CTNNBL1: variants seen among roughly 807,000 people sequenced by gnomAD.
The protein encoded by CTNNBL1 is beta-catenin-like protein 1.
A neutral mutation model predicts 72.7 loss-of-function variants in CTNNBL1; 31 were observed. The observed-to-expected ratio is 0.43, with a 90% CI of 0.32 to 0.58. The LOEUF (loss-of-function observed/expected upper bound fraction) is 0.58. Among genes scored for constraint, CTNNBL1 ranks in the 20% least tolerant of loss-of-function variants. The pLI is 0.08. For synonymous variants in CTNNBL1, 240 were observed against 267.3 expected (o/e 0.90, Z 1.00); for missense variants, 534 against 725.1 (o/e 0.74, Z 3.03).
At chr20:37,792,093 G>T (rs2073730174) in intron 10 of CTNNBL1, among the ~76,000 whole-genome samples, 1 of 152,190 alleles carries the variant, frequency 6.6e-6, no homozygotes, top group African/African-American at 2.4e-5. Context: ...CTGGCAAAAA[G>T]ATGTTCATAA....
At chr20:37,864,190 G>C (rs372617998) in intron 15 of CTNNBL1, among the ~76,000 whole-genome samples, 3,989 of 144,998 alleles carry the variant, frequency 0.028, 208 homozygotes, top group African/African-American at 0.1. Context: ...TTCATACCAC[G>C]CCCCCCCCAC....
chr20:37,755,029 A>T (rs2073351865), intron 4 of CTNNBL1, among the ~76,000 whole-genome samples: 1 of 151,820 alleles, frequency 6.6e-6, no homozygotes, highest in African/African-American at 2.4e-5. Context: ...CTGGTCTTGA[A>T]CTCCTGACCT....
At chr20:37,696,619 T>A (rs562755033) in intron 1 of CTNNBL1, among the ~76,000 whole-genome samples, 42 of 151,500 alleles carry the variant, frequency 2.8e-4, no homozygotes, top group African/African-American at 1.0e-3. Flanking sequence ...AATTTTTGTA[T>A]TTTTAGTAGA....
chr20:37,860,151 T>C, intron 14 of CTNNBL1, 115 bp downstream of exon 14: 1 of 1,484,006 alleles, frequency 6.7e-7, no homozygotes, highest in Non-Finnish European at 9.4e-7. Flanking sequence ...TGAATTCCTT[T>C]ACTCTACATC....
At chr20:37,835,700 T>C (rs1001128945) in intron 11 of CTNNBL1, among the ~76,000 whole-genome samples, 1 of 152,214 alleles carries the variant, frequency 6.6e-6, no homozygotes, top group Non-Finnish European at 1.5e-5. Flanking sequence ...TGTATACTCA[T>C]TGCAGCATTG....
At chr20:37,721,168 T>A (rs534763033) in intron 1 of CTNNBL1, among the ~76,000 whole-genome samples, 2 of 152,230 alleles carry the variant, frequency 1.3e-5, no homozygotes, top group African/African-American at 4.8e-5. Context: ...GATTCCATTA[T>A]TGATTTTTCC....
intron 7 of CTNNBL1, among the ~76,000 whole-genome samples, chr20:37,775,829 A>G (rs2073568682): frequency 1.3e-5 from 2 of 152,244 alleles, no homozygotes; most frequent in Non-Finnish European, 2.9e-5. Flanking sequence ...CAGAAAGGCC[A>G]TGGCTCTAGT....
At chr20:37,853,197 T>C (rs1191985001) in intron 13 of CTNNBL1, among the ~76,000 whole-genome samples, 1 of 152,172 alleles carries the variant, frequency 6.6e-6, no homozygotes, top group Non-Finnish European at 1.5e-5. Context: ...TTCCCTCTGT[T>C]CTTTGTCTAG....
At chr20:37,718,217 G>A (rs1262726537) in intron 1 of CTNNBL1, among the ~76,000 whole-genome samples, 35 of 150,436 alleles carry the variant, frequency 2.3e-4, no homozygotes, top group Non-Finnish European at 4.6e-4. Flanking sequence ...CCGGGACGGG[G>A]CGGCTGGCCG....
chr20:37,763,503 A>G (rs935861332), intron 5 of CTNNBL1, among the ~76,000 whole-genome samples: 1 of 152,174 alleles, frequency 6.6e-6, no homozygotes, highest in Non-Finnish European at 1.5e-5. Flanking sequence ...AAATTAGTCA[A>G]TAATTTCACC....
chr20:37,799,352 C>T (rs968250367), intron 10 of CTNNBL1, among the ~76,000 whole-genome samples: 4 of 152,154 alleles, frequency 2.6e-5, no homozygotes, highest in East Asian at 1.9e-4. Flanking sequence ...CCGTGTTCCT[C>T]GCCGCCTCTC....
chr20:37,833,355 T>C (rs2122796773), intron 11 of CTNNBL1, among the ~76,000 whole-genome samples: 1 of 152,276 alleles, frequency 6.6e-6, no homozygotes, highest in East Asian at 1.9e-4. Context: ...GGCCAGAGCC[T>C]CCCTCCAGGC....
intron 15 of CTNNBL1, among the ~76,000 whole-genome samples, chr20:37,863,138 ACTCTC>A (rs1465945668): frequency 6.6e-6 from 1 of 151,746 alleles, no homozygotes; most frequent in Non-Finnish European, 1.5e-5. Context: ...ATTGACTGTG[ACTCTC>A]CTCGGGACTA....
At chr20:37,728,012 G>A (rs2073099153) in intron 1 of CTNNBL1, among the ~76,000 whole-genome samples, 1 of 152,232 alleles carries the variant, frequency 6.6e-6, no homozygotes, top group Non-Finnish European at 1.5e-5. Flanking sequence ...TTCACGAACA[G>A]ACAGGACTTC....
intron 1 of CTNNBL1, among the ~76,000 whole-genome samples, chr20:37,720,344 A>G (rs1453897772): frequency 6.6e-6 from 1 of 152,040 alleles, no homozygotes; most frequent in Non-Finnish European, 1.5e-5. Context: ...TATTTTTTGT[A>G]GACACAGGGT....
chr20:37,811,248 C>G (rs2072009974), intron 11 of CTNNBL1, among the ~76,000 whole-genome samples: 1 of 152,102 alleles, frequency 6.6e-6, no homozygotes, highest in African/African-American at 2.4e-5. Flanking sequence ...AAGCTATAAA[C>G]AGAGGATTCA....
intron 4 of CTNNBL1, among the ~76,000 whole-genome samples, chr20:37,747,296 A>T (rs561161022): frequency 6.7e-6 from 1 of 149,848 alleles, no homozygotes; most frequent in East Asian, 2.0e-4. Flanking sequence ...AAGCTCTTGA[A>T]CCTGGGAGGC....
Position 37,863,082 on chromosome 20 carries a change from A to G in CTNNBL1, c.1603+2738A>G, listed in dbSNP as rs868509925. ...ATGGGAACCAGTAACAATTTCAGACATTGTGGAATGAAACCCTACCCTTGT... is the reference window on the plus strand; with the variant it reads ...ATGGGAACCAGTAACAATTTCAGACGTTGTGGAATGAAACCCTACCCTTGT... On this transcript the variant is annotated intron_variant, in intron 15 of 15. Coordinates refer to ENST00000361383, the MANE Select transcript of CTNNBL1 (RefSeq NM_030877.5). Among the ~76,000 whole-genome samples, 145 of 152,340 alleles carry G rather than the reference A, an allele frequency of 9.5e-4. 1 individual carries two copies. The highest frequency in any genetic ancestry group is 3.1e-4 in the Non-Finnish European group (21 of 68,030).
intron 11 of CTNNBL1, among the ~76,000 whole-genome samples, chr20:37,812,214 T>C (rs2072017734): frequency 6.6e-6 from 1 of 152,246 alleles, no homozygotes; most frequent in Non-Finnish European, 1.5e-5. Flanking sequence ...ATAATGATCA[T>C]GAGTGTCTGA....
Sources: allele counts gnomAD v4.1 joint callset (sites outside exome capture counted in the v4.1 genomes callset), GRCh38; gene constraint gnomAD v4.1.1; transcripts MANE v1.5; gene names NCBI Gene and HGNC (gene_info 2026-07-23, HGNC 2026-07-21).